Variants in ADAM9 observed in about 807,000 individuals in gnomAD.
ADAM9 encodes the protein disintegrin and metalloproteinase domain-containing protein 9.
Under a neutral mutation model 108.1 loss-of-function variants are expected in ADAM9, and 54 were observed. That is an observed-to-expected ratio of 0.50 (90% CI 0.40 to 0.63). The LOEUF (loss-of-function observed/expected upper bound fraction) is 0.63, where lower values mean the gene tolerates loss of function less well. Ranked by LOEUF, ADAM9 falls within the 20% of genes least tolerant of loss-of-function variation. ADAM9 has a pLI of 0.00. For missense variants in ADAM9, 830 were observed against 997.7 expected, an observed-to-expected ratio of 0.83 and a Z score of 2.26; for synonymous variants, 316 against 336.0, an observed-to-expected ratio of 0.94 and a Z score of 0.65.
At chr8:39,032,216 G>C (rs570726228) in intron 11 of ADAM9, among the ~76,000 whole-genome samples, 275 of 152,372 alleles carry the variant, frequency 1.8e-3, no homozygotes, top group African/African-American at 6.3e-3. Flanking sequence ...CTGTCAGACA[G>C]GGACGTTTAA....
At chr8:39,078,816 T>C (rs897524999) in intron 16 of ADAM9, among the ~76,000 whole-genome samples, 1 of 152,298 alleles carries the variant, frequency 6.6e-6, no homozygotes, top group African/African-American at 2.4e-5. Flanking sequence ...TAAAATAGTA[T>C]GCTATTTCTA....
At chr8:39,076,593 A>G (rs1838856612) in intron 15 of ADAM9, among the ~76,000 whole-genome samples, 2 of 152,200 alleles carry the variant, frequency 1.3e-5, no homozygotes, top group South Asian at 4.1e-4. Flanking sequence ...TCAGTACAGC[A>G]TCATAAGAGT....
At chr8:39,018,260 T>C (rs1836610431) in intron 6 of ADAM9, among the ~76,000 whole-genome samples, 1 of 152,238 alleles carries the variant, frequency 6.6e-6, no homozygotes, top group Non-Finnish European at 1.5e-5. Context: ...TCTGCTGCTA[T>C]CCACTCTTTT....
chr8:39,059,409 G>A (rs563565038), intron 14 of ADAM9, among the ~76,000 whole-genome samples: 2 of 57,548 alleles, frequency 3.5e-5, no homozygotes, highest in South Asian at 1.8e-3. Context: ...GAGAATTTGG[G>A]CACTTAGCAG....
intron 14 of ADAM9, among the ~76,000 whole-genome samples, chr8:39,067,029 T>A (rs1421194725): frequency 6.6e-6 from 1 of 152,218 alleles, no homozygotes; most frequent in African/African-American, 2.4e-5. Context: ...CATTTCTTGT[T>A]TTTGTCAGGT....
intron 20 of ADAM9, among the ~76,000 whole-genome samples, chr8:39,092,195 A>G (rs80102278): frequency 0.01 from 1,536 of 152,270 alleles, 34 homozygotes; most frequent in African/African-American, 0.035. Flanking sequence ...TTATTTGATA[A>G]TTTGCACATA....
chr8:39,074,273 T>C (rs1838786728), intron 15 of ADAM9, among the ~76,000 whole-genome samples: 2 of 152,214 alleles, frequency 1.3e-5, no homozygotes, highest in Admixed American at 1.3e-4. Context: ...TGTATATACA[T>C]TTATAAACAT....
intron 11 of ADAM9, among the ~76,000 whole-genome samples, chr8:39,029,216 G>A (rs1334214343): frequency 6.7e-6 from 1 of 148,798 alleles, no homozygotes; most frequent in Admixed American, 6.8e-5. Flanking sequence ...GTTCATTACT[G>A]GATCTTGGAG....
rs190696919 is a variant in ADAM9 at position 39,060,190 on chromosome 8, G to T, written c.1591+4418G>T. 4.2e-4 allele frequency among the ~76,000 whole-genome samples: 64 copies of T among 152,282 alleles called. 1 individual carries two copies. Among genetic ancestry groups the T allele is most frequent in the African/African-American group, 1.4e-3 (60 of 41,562 alleles). On this transcript the variant is annotated intron_variant, in intron 14 of 21. Coordinates refer to ENST00000487273, the MANE Select transcript of ADAM9 (RefSeq NM_003816.3). ...TTTCTCAAAAGGAGAGTAGTTATTC[G>T]CAGAGGATCACAAGGCTTTGCTCCA...
chr8:39,058,277 A>G (rs1233810662), intron 14 of ADAM9, among the ~76,000 whole-genome samples: 1 of 152,194 alleles, frequency 6.6e-6, no homozygotes, highest in Non-Finnish European at 1.5e-5. Context: ...TCTTAATGAA[A>G]CAGTCTTCGT....
At chr8:39,014,165 T>C in intron 4 of ADAM9, 122 bp downstream of exon 4, 1 of 805,022 alleles carries the variant, frequency 1.2e-6, no homozygotes, top group Admixed American at 2.0e-5. Flanking sequence ...TTTAACATTA[T>C]AACATATGGG....
chr8:39,006,139 G>A (rs865971493), intron 1 of ADAM9, among the ~76,000 whole-genome samples: 33 of 152,062 alleles, frequency 2.2e-4, no homozygotes, highest in African/African-American at 7.0e-4. Flanking sequence ...GGCTTTTATC[G>A]GTTCTATAAA....
intron 14 of ADAM9, among the ~76,000 whole-genome samples, chr8:39,057,350 A>G (rs1838158172): frequency 6.7e-6 from 1 of 148,594 alleles, no homozygotes; most frequent in South Asian, 2.1e-4. Context: ...TATATAATAT[A>G]TAATTTACAT....
intron 4 of ADAM9, chr8:39,014,808 TAGG>T (rs1300214445): frequency 5.1e-6 from 2 of 391,698 alleles, no homozygotes; most frequent in Non-Finnish European, 8.6e-6. Context: ...ATTCTTCAAA[TAGG>T]AGGCAAAAAA....
At chr8:39,032,465 A>T (rs1002443223) in intron 11 of ADAM9, among the ~76,000 whole-genome samples, 1 of 152,326 alleles carries the variant, frequency 6.6e-6, no homozygotes, top group African/African-American at 2.4e-5. Flanking sequence ...TGGGCGTAGG[A>T]CCCGCCGAGC....
intron 8 of ADAM9, among the ~76,000 whole-genome samples, chr8:39,021,939 C>CT (rs1294719792): frequency 2.6e-5 from 4 of 152,242 alleles, no homozygotes; most frequent in South Asian, 4.1e-4. Flanking sequence ...TTAGCATCTA[C>CT]TTTATCTTCA....
intron 3 of ADAM9, among the ~76,000 whole-genome samples, chr8:39,012,712 C>T (rs1836395237): frequency 6.6e-6 from 1 of 152,066 alleles, no homozygotes; most frequent in Admixed American, 6.6e-5. Context: ...AACCAAACAC[C>T]ACATGTTCTC....
intron 12 of ADAM9, among the ~76,000 whole-genome samples, chr8:39,045,341 TAC>T (rs1837678947): frequency 2.1e-5 from 3 of 142,942 alleles, no homozygotes; most frequent in South Asian, 2.2e-4. Context: ...TGTACACCTA[TAC>T]ATGTGTGTAC....
At chr8:39,057,834 C>T (rs570080153) in intron 14 of ADAM9, among the ~76,000 whole-genome samples, 13 of 152,140 alleles carry the variant, frequency 8.5e-5, no homozygotes, top group African/African-American at 2.2e-4. Context: ...CAGAGACATC[C>T]GTAATTATGT....
Sources: allele counts gnomAD v4.1 joint callset (sites outside exome capture counted in the v4.1 genomes callset), GRCh38; gene constraint gnomAD v4.1.1; transcripts MANE v1.5; gene names NCBI Gene and HGNC (gene_info 2026-07-23, HGNC 2026-07-21).